The following PGCKA1 variants were observed in gnomAD, a reference collection of about 807,000 sequenced individuals.
PGCKA1 encodes the protein PDCD10 and GCKIII kinases-associated protein 1.
chr4:37,484,347 C>T, the PGCKA1 span, among the ~76,000 whole-genome samples: 1 of 152,126 alleles, frequency 6.6e-6, no homozygotes, highest in South Asian at 2.1e-4. Context: ...CTTATAAAAC[C>T]ATCAGATCTC....
At chr4:37,474,790 C>T in the PGCKA1 span, among the ~76,000 whole-genome samples, 1 of 152,154 alleles carries the variant, frequency 6.6e-6, no homozygotes, top group African/African-American at 2.4e-5. Flanking sequence ...TCCAGAACCT[C>T]TTCAGTGTTC....
chr4:37,525,757 T>TTAGGGAATAG, the PGCKA1 span, among the ~76,000 whole-genome samples: 7 of 152,230 alleles, frequency 4.6e-5, no homozygotes, highest in African/African-American at 1.7e-4. Context: ...TCGATGACTA[T>TTAGGGAATAG]TCCCTGTTCA....
chr4:37,584,813 CCTTTCCTCCCTCTTTT>C, the PGCKA1 span, among the ~76,000 whole-genome samples: 1 of 151,846 alleles, frequency 6.6e-6, no homozygotes, highest in Non-Finnish European at 1.5e-5. Flanking sequence ...CCCTCCTTCG[CCTTTCCTCCCTCTTTT>C]CTTTCCTCCT....
the PGCKA1 span, among the ~76,000 whole-genome samples, chr4:37,561,564 G>C: frequency 6.6e-6 from 1 of 152,170 alleles, no homozygotes; most frequent in Admixed American, 6.5e-5. Flanking sequence ...GGGAAAGAAA[G>C]GGGGGACAAT....
At chr4:37,570,857 T>G in the PGCKA1 span, among the ~76,000 whole-genome samples, 5 of 152,374 alleles carry the variant, frequency 3.3e-5, no homozygotes, top group East Asian at 7.7e-4. Context: ...ATAGAGGTTT[T>G]GCTGTCTCCC....
chr4:37,555,667 G>A, the PGCKA1 span, among the ~76,000 whole-genome samples: 4 of 152,290 alleles, frequency 2.6e-5, no homozygotes, highest in Middle Eastern at 3.4e-3. Flanking sequence ...TCAAGATAAG[G>A]ATCCAGTTTT....
At chr4:37,558,981 T>G in the PGCKA1 span, among the ~76,000 whole-genome samples, 10 of 78,896 alleles carry the variant, frequency 1.3e-4, no homozygotes, top group African/African-American at 5.4e-4. Flanking sequence ...ATAGGAACAC[T>G]TTTACACTGT....
chr4:37,489,495 A>G, the PGCKA1 span, among the ~76,000 whole-genome samples: 1 of 152,312 alleles, frequency 6.6e-6, no homozygotes, highest in East Asian at 1.9e-4. Flanking sequence ...AATGTGAATT[A>G]CACATACAAT....
chr4:37,475,236 T>C, the PGCKA1 span, among the ~76,000 whole-genome samples: 1 of 152,288 alleles, frequency 6.6e-6, no homozygotes, highest in South Asian at 2.1e-4. Flanking sequence ...GAAATCATCC[T>C]TCTAACATTT....
chr4:37,472,812 C>A, the PGCKA1 span, among the ~76,000 whole-genome samples: 1 of 152,148 alleles, frequency 6.6e-6, no homozygotes, highest in South Asian at 2.1e-4. Flanking sequence ...ATTTTTCTAT[C>A]ATCTATTATC....
At chr4:37,455,205 C>G in the PGCKA1 span, among the ~76,000 whole-genome samples, 1 of 152,156 alleles carries the variant, frequency 6.6e-6, no homozygotes, top group Non-Finnish European at 1.5e-5. Flanking sequence ...TCCCCCTTCC[C>G]CATTTAATCC....
chr4:37,545,791 T>G, the PGCKA1 span, among the ~76,000 whole-genome samples: 7 of 152,232 alleles, frequency 4.6e-5, no homozygotes, highest in Admixed American at 1.3e-4. Context: ...TCCTGCCAAC[T>G]GTCTCATTTA....
chr4:37,504,160 A>G, the PGCKA1 span, among the ~76,000 whole-genome samples: 1 of 152,306 alleles, frequency 6.6e-6, no homozygotes, highest in Non-Finnish European at 1.5e-5. Flanking sequence ...ATTCTTTTGC[A>G]TATGGCTATC....
the PGCKA1 span, among the ~76,000 whole-genome samples, chr4:37,479,712 A>C: frequency 6.6e-6 from 1 of 152,214 alleles, no homozygotes; most frequent in Admixed American, 6.5e-5. Flanking sequence ...TGGAGCCCAA[A>C]GAGGAAGATA....
chr4:37,481,825 C>T, the PGCKA1 span, among the ~76,000 whole-genome samples: 5 of 152,142 alleles, frequency 3.3e-5, no homozygotes, highest in African/African-American at 9.7e-5. Flanking sequence ...ATAATCCCCA[C>T]GTGTCATGGA....
chr4:37,523,629 T>A, the PGCKA1 span, among the ~76,000 whole-genome samples: 1 of 152,196 alleles, frequency 6.6e-6, no homozygotes, highest in South Asian at 2.1e-4. Context: ...GTCTGTTTTT[T>A]CCTCTGTAAG....
the PGCKA1 span, among the ~76,000 whole-genome samples, chr4:37,478,142 A>ACCCCCCCC: frequency 1.5e-4 from 9 of 59,556 alleles, 1 homozygote; most frequent in African/African-American, 4.3e-4. Context: ...TTTTAAAAAC[A>ACCCCCCCC]CCCCCCCCCA....
chr4:37,512,978 C>T, the PGCKA1 span, among the ~76,000 whole-genome samples: 1 of 151,902 alleles, frequency 6.6e-6, no homozygotes, highest in Non-Finnish European at 1.5e-5. Context: ...ATCCCAGCTA[C>T]TCAGGAGGCT....
the PGCKA1 span, among the ~76,000 whole-genome samples, chr4:37,545,145 C>A: frequency 2.6e-5 from 4 of 152,114 alleles, no homozygotes; most frequent in Non-Finnish European, 5.9e-5. Context: ...CCTGAGCCAC[C>A]GCGCCTGGCC....
Sources: allele counts gnomAD v4.1 joint callset (sites outside exome capture counted in the v4.1 genomes callset), GRCh38; gene constraint gnomAD v4.1.1; transcripts MANE v1.5; gene names NCBI Gene and HGNC (gene_info 2026-07-23, HGNC 2026-07-21).